CTTNBP2NL: variants seen among roughly 807,000 people sequenced by gnomAD.
The protein encoded by CTTNBP2NL is CTTNBP2 N-terminal-like protein.
Under a neutral mutation model 32.5 loss-of-function variants are expected in CTTNBP2NL, and 16 were observed. The ratio of observed to expected loss-of-function variants is 0.49; its 90% CI spans 0.33 to 0.75. CTTNBP2NL has a LOEUF of 0.75. Ranked by LOEUF, CTTNBP2NL falls within the 30% of genes least tolerant of loss-of-function variation. The pLI is 0.02. For missense variants in CTTNBP2NL, 645 were observed against 756.0 expected, an observed-to-expected ratio of 0.85 and a Z score of 1.72; for synonymous variants, 298 against 289.4, an observed-to-expected ratio of 1.03 and a Z score of -0.30.
chr1:112,413,239 T>TA (rs1648937325), intron 2 of CTTNBP2NL, among the ~76,000 whole-genome samples: 1 of 152,210 alleles, frequency 6.6e-6, no homozygotes, highest in African/African-American at 2.4e-5. Context: ...ATCTAACAAA[T>TA]AATACTTGGT....
intron 1 of CTTNBP2NL, among the ~76,000 whole-genome samples, chr1:112,405,907 C>T (rs1307943271): frequency 4.6e-5 from 7 of 152,010 alleles, no homozygotes; most frequent in Non-Finnish European, 8.8e-5. Flanking sequence ...TGTATGCGGC[C>T]GGGCGCAGTG....
At chr1:112,440,768 C>A (rs1418723192) in intron 3 of CTTNBP2NL, among the ~76,000 whole-genome samples, 1 of 152,124 alleles carries the variant, frequency 6.6e-6, no homozygotes, top group Admixed American at 6.5e-5. Flanking sequence ...TTGGGAAAGT[C>A]ACGTGTTTGA....
chr1:112,418,503 A>G (rs1022529263), intron 3 of CTTNBP2NL, among the ~76,000 whole-genome samples: 3 of 152,088 alleles, frequency 2.0e-5, no homozygotes, highest in Non-Finnish European at 4.4e-5. Context: ...GAGGGGACCT[A>G]TACTATATTT....
chr1:112,414,182 A>G (rs1223537156), intron 2 of CTTNBP2NL, among the ~76,000 whole-genome samples: 1 of 152,158 alleles, frequency 6.6e-6, no homozygotes, highest in Admixed American at 6.5e-5. Flanking sequence ...CCTTGCCAAC[A>G]TGGTGAAACC....
intron 3 of CTTNBP2NL, among the ~76,000 whole-genome samples, chr1:112,432,165 C>A (rs1649585294): frequency 1.3e-5 from 2 of 149,438 alleles, no homozygotes; most frequent in East Asian, 2.0e-4. Context: ...GTTCTGCCTC[C>A]CGGGTTCACA....
intron 1 of CTTNBP2NL, among the ~76,000 whole-genome samples, chr1:112,399,621 G>A (rs1194272684): frequency 6.6e-6 from 1 of 152,162 alleles, no homozygotes; most frequent in Non-Finnish European, 1.5e-5. Context: ...TCTGAGTGGA[G>A]CAGAATGGTG....
chr1:112,405,385 C>T (rs1648629359), intron 1 of CTTNBP2NL, among the ~76,000 whole-genome samples: 1 of 152,134 alleles, frequency 6.6e-6, no homozygotes, highest in South Asian at 2.1e-4. Context: ...GCAACCTCCA[C>T]CTCCTGGGTT....
chr1:112,414,197 C>G (rs1182152049), intron 2 of CTTNBP2NL, among the ~76,000 whole-genome samples: 2 of 152,242 alleles, frequency 1.3e-5, no homozygotes, highest in South Asian at 4.2e-4. Flanking sequence ...GAAACCCCGT[C>G]TCTACTAAAA....
intron 3 of CTTNBP2NL, among the ~76,000 whole-genome samples, chr1:112,448,026 G>A (rs1338623240): frequency 1.3e-5 from 2 of 152,186 alleles, no homozygotes; most frequent in Non-Finnish European, 2.9e-5. Flanking sequence ...CAGAGATAAG[G>A]AAAGAGGGAA....
In CTTNBP2NL at chr1:112,430,027, G is replaced by A. The variant is rs568704058; in HGVS notation, c.99+13763G>A. On this transcript the variant is annotated intron_variant, in intron 3 of 5. Coordinates refer to ENST00000271277, the MANE Select transcript of CTTNBP2NL (RefSeq NM_018704.3). ...TACTCTAGCAGAAAAGGGCCAAAAGGTACAGGACAGGCTATTCATATGTGT... is the reference window on the plus strand; with the variant it reads ...TACTCTAGCAGAAAAGGGCCAAAAGATACAGGACAGGCTATTCATATGTGT... 2.6e-5 allele frequency among the ~76,000 whole-genome samples: 4 copies of A among 152,174 alleles called. No homozygotes were observed. In the East Asian group the frequency reaches 5.8e-4, roughly 22 times the overall value.
Position 112,457,344 on chromosome 1 carries a change from A to T in CTTNBP2NL, c.1852A>T (p.Ser618Cys), listed in dbSNP as rs757845168. Residue 618 changes from serine (S) to cysteine (C), a missense_variant, in exon 6 of 6, where the codon AGC (serine) becomes TGC (cysteine). Physicochemically the swap from Ser to Cys is moderately radical, Grantham distance 112 (BLOSUM62 -1). Transcript: ENST00000271277. ...GACCACTGCAGAAGACCTTGCCAGC[A>T]GCTGCTCTTCCAATACTGTTGTAGC... ...SLTTAEDLASSCSSNTVVANG... is the reference protein window; with the variant it reads ...SLTTAEDLASCCSSNTVVANG... The T allele has an allele frequency of 1.2e-6, 2 of 1,614,092 alleles. No homozygotes were observed. Among genetic ancestry groups the T allele is most frequent in the African/African-American group, 2.7e-5 (2 of 74,940 alleles).
intron 3 of CTTNBP2NL, among the ~76,000 whole-genome samples, chr1:112,445,240 T>A (rs1482507874): frequency 1.3e-5 from 2 of 152,094 alleles, no homozygotes; most frequent in Non-Finnish European, 2.9e-5. Context: ...CCCTCCCAGA[T>A]TCCTGACCCT....
chr1:112,426,537 AAAAAG>A (rs1649401516), intron 3 of CTTNBP2NL, among the ~76,000 whole-genome samples: 1 of 152,136 alleles, frequency 6.6e-6, no homozygotes, highest in Non-Finnish European at 1.5e-5. Context: ...AAAAAAAAGA[AAAAAG>A]AAAAGAAAGT....
chr1:112,417,352 A>C (rs1649096074), intron 3 of CTTNBP2NL, among the ~76,000 whole-genome samples: 1 of 152,192 alleles, frequency 6.6e-6, no homozygotes, highest in South Asian at 2.1e-4. Flanking sequence ...TAATACTTCT[A>C]AGTGGATGTT....
intron 3 of CTTNBP2NL, among the ~76,000 whole-genome samples, chr1:112,441,358 C>A (rs551903037): frequency 6.6e-6 from 1 of 152,314 alleles, no homozygotes; most frequent in African/African-American, 2.4e-5. Flanking sequence ...TCAGGTTCAT[C>A]AGTGTCACTG....
intron 1 of CTTNBP2NL, among the ~76,000 whole-genome samples, chr1:112,400,304 A>G (rs949226682): frequency 1.3e-5 from 2 of 152,172 alleles, no homozygotes; most frequent in African/African-American, 2.4e-5. Flanking sequence ...TTCTGTCTTC[A>G]CCGTAGCTCA....
chr1:112,422,018 G>A (rs1570725956), intron 3 of CTTNBP2NL, among the ~76,000 whole-genome samples: 2 of 152,080 alleles, frequency 1.3e-5, no homozygotes, highest in Non-Finnish European at 2.9e-5. Flanking sequence ...TTTGATATGT[G>A]CATACTGATG....
chr1:112,394,343 T>C (rs1257643687), upstream of CTTNBP2NL, among the ~76,000 whole-genome samples: 1 of 152,186 alleles, frequency 6.6e-6, no homozygotes, highest in Non-Finnish European at 1.5e-5. Flanking sequence ...AGGCACTTCC[T>C]CATTGCATAC....
upstream of CTTNBP2NL, among the ~76,000 whole-genome samples, chr1:112,392,653 C>A (rs1226919974): frequency 2.0e-5 from 3 of 151,886 alleles, no homozygotes; most frequent in African/African-American, 7.3e-5. Context: ...ATGAGTGGGG[C>A]CTTTATAAGA....
Sources: allele counts gnomAD v4.1 joint callset (sites outside exome capture counted in the v4.1 genomes callset), GRCh38; gene constraint gnomAD v4.1.1; transcripts MANE v1.5; gene names NCBI Gene and HGNC (gene_info 2026-07-23, HGNC 2026-07-21).